TARM1: variants seen among roughly 807,000 people sequenced by gnomAD.
TARM1 encodes T-cell-interacting, activating receptor on myeloid cells protein 1.
TARM1 carries 24 observed loss-of-function variants against 30.4 expected under a neutral mutation model. That is an observed-to-expected ratio of 0.79 (90% CI 0.57 to 1.11). The LOEUF (loss-of-function observed/expected upper bound fraction) is 1.11. Ranked by LOEUF, TARM1 falls within the 50% of genes least tolerant of loss-of-function variation. The pLI is 0.00. For synonymous variants in TARM1, 129 were observed against 138.9 expected, an observed-to-expected ratio of 0.93 and a Z score of 0.50; for missense variants, 323 against 332.8, an observed-to-expected ratio of 0.97 and a Z score of 0.23.
intron 4 of TARM1, among the ~76,000 whole-genome samples, chr19:54,072,436 A>G (rs2071835215): frequency 6.6e-6 from 1 of 152,152 alleles, no homozygotes; most frequent in Non-Finnish European, 1.5e-5. Flanking sequence ...CAGTCAATAA[A>G]AGACATGGGT....
In TARM1 at chr19:54,070,113, G is replaced by A. The variant is rs1287227544; in HGVS notation, c.706C>T (p.Arg236Ter). The change falls in exon 5 of 5, where the codon CGA becomes TGA. Residue 236 changes from arginine to a stop codon, truncating the protein, a stop_gained. Transcript: ENST00000432826. LOFTEE classifies it high-confidence loss of function. The stretch of plus-strand genomic sequence containing the variant: ...ACAATTACGGCAGCCAGACCCAGTC[G>A]TACGAAGTTACCCAGGGAGTAGTTG... Reference protein sequence around the residue: ...SSNYSLGNFVRLGLAAVIVVI... With the variant: ...SSNYSLGNFV 3.9e-5 allele frequency: 60 copies of A among 1,551,514 alleles called. No homozygotes were observed. The highest frequency in any genetic ancestry group is 1.5e-4 in the African/African-American group (11 of 73,050).
intron 2 of TARM1, 40 bp from the exon 3 acceptor site, chr19:54,075,154 C>T (rs1280872529): frequency 2.0e-6 from 3 of 1,499,830 alleles, no homozygotes; most frequent in Non-Finnish European, 2.7e-6. Context: ...CCGATGCCCT[C>T]CCCTGCTCTC....
intron 4 of TARM1, among the ~76,000 whole-genome samples, chr19:54,070,452 G>T (rs1419036777): frequency 6.6e-6 from 1 of 151,716 alleles, no homozygotes; most frequent in East Asian, 1.9e-4. Flanking sequence ...TAGAGACGGG[G>T]TTTCGCCATG....
In TARM1 at chr19:54,070,096, G is replaced by A. The variant is rs577180323; in HGVS notation, c.723C>T (p.Ala241=). 60 of 1,551,602 alleles carry A rather than the reference G, an allele frequency of 3.9e-5. No individual in the cohort carries two copies. In the South Asian group the frequency reaches 5.6e-4, roughly 14 times the overall value. ...AAGCTCCCATGATAACCACAATTAC[G>A]GCAGCCAGACCCAGTCGTACGAAGT... The part of the protein sequence containing the change: ...LGNFVRLGLA[A]VIVVIMGAFL... The change falls in exon 5 of 5, where the codon GCC becomes GCT. Residue 241 remains alanine, a synonymous_variant. Transcript: ENST00000432826.
intron 4 of TARM1, among the ~76,000 whole-genome samples, chr19:54,070,576 C>G (rs2071787496): frequency 6.6e-6 from 1 of 151,290 alleles, no homozygotes; most frequent in Non-Finnish European, 1.5e-5. Context: ...TTAATGTTTT[C>G]TAGCCAGTAG....
At chr19:54,081,285 T>G (rs1399084336) in intron 1 of TARM1, 22 bp downstream of exon 1, 2 of 1,547,694 alleles carry the variant, frequency 1.3e-6, no homozygotes, top group Non-Finnish European at 1.7e-6. Flanking sequence ...GCAGTCCCAG[T>G]GGATAGCCCT....
intron 4 of TARM1, among the ~76,000 whole-genome samples, chr19:54,070,637 A>G (rs1387720366): frequency 5.3e-5 from 8 of 151,348 alleles, no homozygotes; most frequent in Non-Finnish European, 7.4e-5. Context: ...CTTGAGATCA[A>G]GTTTTGCTCT....
At chr19:54,073,123 G>T (rs1600199813) in intron 4 of TARM1, among the ~76,000 whole-genome samples, 1 of 151,206 alleles carries the variant, frequency 6.6e-6, no homozygotes, top group East Asian at 2.0e-4. Flanking sequence ...AAAAGGCAAA[G>T]GAGGGCCGGG....
intron 1 of TARM1, among the ~76,000 whole-genome samples, chr19:54,077,280 C>T (rs1160851395): frequency 6.6e-6 from 1 of 151,702 alleles, no homozygotes; most frequent in Non-Finnish European, 1.5e-5. Flanking sequence ...ACTCAGGAGG[C>T]TGAGGCAGAG....
chr19:54,075,483 A>G (rs1020159419), intron 2 of TARM1, among the ~76,000 whole-genome samples: 2 of 150,106 alleles, frequency 1.3e-5, no homozygotes, highest in African/African-American at 2.4e-5. Context: ...CCTGAGCCCA[A>G]TCAGGAATCC....
rs1244238797 is a variant in TARM1, at chr19:54,070,129, G to A, written c.690C>T (p.Ser230=). The A allele has an allele frequency of 6.4e-7, 1 of 1,551,546 alleles. No individual in the cohort carries two copies. Among genetic ancestry groups the A allele is most frequent in the African/African-American group, 1.4e-5 (1 of 73,040 alleles). ...VPPGTTSSNY[S]LGNFVRLGLA... ...GACCCAGTCGTACGAAGTTACCCAG[G>A]GAGTAGTTGCTCGATGTGGTACCTG... The change falls in exon 5 of 5, where the codon TCC becomes TCT. Residue 230 remains serine, a synonymous_variant. Transcript: ENST00000432826.
At chr19:54,081,061 A>G (rs2072118885) in intron 1 of TARM1, among the ~76,000 whole-genome samples, 1 of 152,184 alleles carries the variant, frequency 6.6e-6, no homozygotes, top group African/African-American at 2.4e-5. Context: ...TCCTGAGAAA[A>G]GGGGTAAGCC....
At chr19:54,070,199 G>T (rs2071775819) in intron 4 of TARM1, 39 bp from the exon 5 acceptor site, 1 of 1,532,844 alleles carries the variant, frequency 6.5e-7, no homozygotes, top group Non-Finnish European at 8.8e-7. Flanking sequence ...CCCTCAGAGG[G>T]TATCCCTCCT....
Position 54,069,944 on chromosome 19 carries a change from T to A in TARM1, c.*59A>T. On this transcript the variant is annotated 3_prime_UTR_variant, in exon 5 of 5. Coordinates refer to ENST00000432826, the MANE Select transcript of TARM1 (RefSeq NM_001135686.3). Reference sequence around the variant, plus strand: ...TGTGACTTAGAAAGCCTCAACCCCCTGGGAATGCAGTCCAGCAGGTTGCAG... The same window carrying A: ...TGTGACTTAGAAAGCCTCAACCCCCAGGGAATGCAGTCCAGCAGGTTGCAG... 2 of 1,360,274 alleles carry A rather than the reference T, an allele frequency of 1.5e-6. No individual in the cohort carries two copies. Among genetic ancestry groups the A allele is most frequent in the Non-Finnish European group, 2.0e-6 (2 of 985,198 alleles). 84.3% of individuals were successfully genotyped at this position (1,360,274 alleles called of 1,614,324 possible). A position where few individuals can be genotyped will look rare whatever the true frequency, so the allele number is the denominator to read the frequency against.
chr19:54,077,153 C>A (rs587602145), intron 1 of TARM1, among the ~76,000 whole-genome samples: 32 of 152,084 alleles, frequency 2.1e-4, no homozygotes, highest in African/African-American at 7.7e-4. Flanking sequence ...GAGGCCGAGG[C>A]AGGTGGATCA....
intron 1 of TARM1, among the ~76,000 whole-genome samples, chr19:54,078,098 G>A (rs2072003127): frequency 6.6e-6 from 1 of 151,544 alleles, no homozygotes; most frequent in South Asian, 2.1e-4. Flanking sequence ...TGTTGGTCAG[G>A]CTGGTCTTGA....
At chr19:54,074,585 G>A (rs964549322) in intron 3 of TARM1, among the ~76,000 whole-genome samples, 11 of 152,110 alleles carry the variant, frequency 7.2e-5, no homozygotes, top group Non-Finnish European at 1.3e-4. Flanking sequence ...CAGGAGGCTG[G>A]AGCAGGAGAA....
In TARM1 at chr19:54,070,980, C is replaced by T. The variant is rs201908446; in HGVS notation, c.659-820G>A. Among the ~76,000 whole-genome samples the T allele has an allele frequency of 5.3e-5, 8 of 152,152 alleles. No homozygotes were observed. In the East Asian group the frequency reaches 9.7e-4, roughly 18 times the overall value. ...GGAATCTTTGTTGTTGTTTTTGAGA[C>T]GACGTCTCACTCTGTTGCTCAGGCT... On this transcript the variant is annotated intron_variant, in intron 4 of 4. Transcript: ENST00000432826.
At chr19:54,071,251 C>T (rs2071804617) in intron 4 of TARM1, among the ~76,000 whole-genome samples, 2 of 152,182 alleles carry the variant, frequency 1.3e-5, no homozygotes, top group Admixed American at 1.3e-4. Context: ...AGCCACCGCG[C>T]CCGGCCAAGA....
Sources: allele counts gnomAD v4.1 joint callset (sites outside exome capture counted in the v4.1 genomes callset), GRCh38; gene constraint gnomAD v4.1.1; transcripts MANE v1.5; gene names NCBI Gene and HGNC (gene_info 2026-07-23, HGNC 2026-07-21).